THRB: variants seen among roughly 807,000 people sequenced by gnomAD.
The protein encoded by THRB is nuclear receptor subfamily 1 group A member 2.
In THRB, 12 loss-of-function variants were observed where a neutral mutation model predicts 47.8. The observed-to-expected ratio is 0.25, with a 90% confidence interval of 0.16 to 0.41. THRB has a LOEUF of 0.41. THRB is among the 10% of genes least tolerant of loss of function. THRB has a pLI of 1.00. For synonymous variants in THRB, 218 were observed against 212.2 expected, an observed-to-expected ratio of 1.03 and a Z score of -0.24; for missense variants, 348 against 589.2, an observed-to-expected ratio of 0.59 and a Z score of 4.24.
intron 1 of THRB, among the ~76,000 whole-genome samples, chr3:24,395,145 T>TA: frequency 6.6e-6 from 1 of 152,130 alleles, no homozygotes; most frequent in African/African-American, 2.4e-5. Flanking sequence ...AACCTAAATG[T>TA]AAGGGCTAAA....
chr3:24,421,929 G>T (rs2069300427), intron 1 of THRB, among the ~76,000 whole-genome samples: 1 of 151,882 alleles, frequency 6.6e-6, no homozygotes, highest in African/African-American at 2.4e-5. Flanking sequence ...AAGACATTTA[G>T]TGATTTGCTC....
At chr3:24,138,501 A>G (rs1306634107) in intron 8 of THRB, among the ~76,000 whole-genome samples, 1 of 152,168 alleles carries the variant, frequency 6.6e-6, no homozygotes, top group Non-Finnish European at 1.5e-5. Context: ...GCTTTATGCC[A>G]TTCAGCAAGG....
chr3:24,155,102 A>G (rs950661933), intron 5 of THRB, among the ~76,000 whole-genome samples: 5 of 152,162 alleles, frequency 3.3e-5, no homozygotes, highest in African/African-American at 1.2e-4. Flanking sequence ...CCAGACACTG[A>G]AGATTTATTC....
At chr3:24,232,682 G>A (rs2048371133) in intron 3 of THRB, among the ~76,000 whole-genome samples, 1 of 152,152 alleles carries the variant, frequency 6.6e-6, no homozygotes, top group South Asian at 2.1e-4. Context: ...GGTTTTTAAA[G>A]CTTTACAGCA....
upstream of THRB, chr3:24,495,672 G>C (rs1447698261): frequency 6.6e-6 from 1 of 152,216 alleles, no homozygotes; most frequent in Non-Finnish European, 1.5e-5. Flanking sequence ...CGGAGGGCGA[G>C]TCTTCCAGGA....
rs747862125 is a variant in THRB at position 24,184,799 on chromosome 3, A to T, written c.283+5275T>A. Among the ~76,000 whole-genome samples, 35 of 152,314 alleles carry T rather than the reference A, an allele frequency of 2.3e-4. 1 individual carries two copies. In the Middle Eastern group the frequency reaches 0.01, roughly 44 times the overall value. ...ATGAGTGGGGCAGAGTAGAGAGCAG[A>T]GATGGATGGAGCAGATGGTAGTACT... On this transcript the variant is annotated intron_variant, in intron 5 of 10. Transcript: ENST00000646209.
At chr3:24,233,838 G>T (rs1336416290) in intron 3 of THRB, among the ~76,000 whole-genome samples, 1 of 152,206 alleles carries the variant, frequency 6.6e-6, no homozygotes, top group East Asian at 1.9e-4. Flanking sequence ...GACAGAGAAC[G>T]GGTGGAGAGA....
At chr3:24,381,149 T>C (rs1394787945) in intron 1 of THRB, among the ~76,000 whole-genome samples, 1 of 151,424 alleles carries the variant, frequency 6.6e-6, no homozygotes, top group Non-Finnish European at 1.5e-5. Flanking sequence ...TTTCTAAATT[T>C]AGTAAAATGA....
intron 3 of THRB, among the ~76,000 whole-genome samples, chr3:24,242,531 T>C (rs747196941): frequency 1.1e-4 from 16 of 152,184 alleles, no homozygotes; most frequent in Admixed American, 7.2e-4. Flanking sequence ...TAACACATTT[T>C]GAAATATTAG....
At chr3:24,199,731 T>C (rs962810341) in intron 4 of THRB, among the ~76,000 whole-genome samples, 1 of 152,230 alleles carries the variant, frequency 6.6e-6, no homozygotes, top group Non-Finnish European at 1.5e-5. Context: ...TTTGTGTTTA[T>C]AACATTTATA....
At chr3:24,399,246 A>G (rs113929026) in intron 1 of THRB, among the ~76,000 whole-genome samples, 2,272 of 152,012 alleles carry the variant, frequency 0.015, 56 homozygotes, top group African/African-American at 0.051. Flanking sequence ...AAAAAAGAAA[A>G]TGACCCCAAA....
chr3:24,335,827 T>A (rs907648204), intron 2 of THRB, among the ~76,000 whole-genome samples: 3 of 152,314 alleles, frequency 2.0e-5, no homozygotes, highest in Admixed American at 6.5e-5. Flanking sequence ...TATCTGTAAA[T>A]TGAGGAGAAT....
At chr3:24,464,567 A>G (rs964758706) in intron 1 of THRB, among the ~76,000 whole-genome samples, 1 of 152,186 alleles carries the variant, frequency 6.6e-6, no homozygotes, top group African/African-American at 2.4e-5. Flanking sequence ...GTTTTATGCA[A>G]TCTGGAGGTC....
intron 1 of THRB, among the ~76,000 whole-genome samples, chr3:24,396,125 T>C (rs1178717225): frequency 6.6e-6 from 1 of 152,080 alleles, no homozygotes. Context: ...GTGAATAGTA[T>C]GGTATGTGAA....
At chr3:24,456,202 T>A (rs530015492) in intron 1 of THRB, among the ~76,000 whole-genome samples, 10 of 151,876 alleles carry the variant, frequency 6.6e-5, no homozygotes, top group African/African-American at 2.2e-4. Context: ...GGGTGTTCTG[T>A]CACACACCTG....
intron 1 of THRB, among the ~76,000 whole-genome samples, chr3:24,443,786 C>CA (rs1247225173): frequency 1.3e-5 from 2 of 152,128 alleles, no homozygotes; most frequent in African/African-American, 4.8e-5. Context: ...ACTGGATACT[C>CA]ATAATATCCT....
At chr3:24,409,328 A>C (rs2150157041) in intron 1 of THRB, among the ~76,000 whole-genome samples, 1 of 151,970 alleles carries the variant, frequency 6.6e-6, no homozygotes, top group East Asian at 2.0e-4. Flanking sequence ...ATTTGTTTTA[A>C]ATCAAGTATG....
At chr3:24,477,937 T>C (rs1577880133) in intron 1 of THRB, among the ~76,000 whole-genome samples, 1 of 150,286 alleles carries the variant, frequency 6.7e-6, no homozygotes, top group Non-Finnish European at 1.5e-5. Flanking sequence ...AAGCAGAAAC[T>C]GGTTACAGAA....
intron 1 of THRB, among the ~76,000 whole-genome samples, chr3:24,404,185 T>A (rs906184330): frequency 2.6e-5 from 4 of 151,976 alleles, no homozygotes; most frequent in African/African-American, 9.7e-5. Context: ...CATAACTCAG[T>A]GAACCAATAT....
Sources: allele counts gnomAD v4.1 joint callset (sites outside exome capture counted in the v4.1 genomes callset), GRCh38; gene constraint gnomAD v4.1.1; transcripts MANE v1.5; gene names NCBI Gene and HGNC (gene_info 2026-07-23, HGNC 2026-07-21).